The following CDH7 variants were observed in gnomAD, a reference collection of about 807,000 sequenced individuals.
CDH7 encodes the protein cadherin-7.
In CDH7, 25 loss-of-function variants were observed where a neutral mutation model predicts 71.8. That is an observed-to-expected ratio of 0.35 (90% CI 0.25 to 0.49). The LOEUF is 0.49. Ranked by LOEUF, CDH7 falls within the 20% of genes least tolerant of loss-of-function variation. CDH7 has a pLI of 0.99. For missense variants in CDH7, 862 were observed against 974.6 expected (o/e 0.88, Z 1.54); for synonymous variants, 381 against 363.8 (o/e 1.05, Z -0.54).
chr18:65,782,106 CCTT>C (rs1910308843), intron 2 of CDH7, among the ~76,000 whole-genome samples: 1 of 59,418 alleles, frequency 1.7e-5, no homozygotes, highest in Non-Finnish European at 2.7e-5. Flanking sequence ...TTCCTTCCTT[CCTT>C]CTTTCTTTCT....
At chr18:65,782,375 C>G (rs1910343801) in intron 2 of CDH7, among the ~76,000 whole-genome samples, 2 of 151,912 alleles carry the variant, frequency 1.3e-5, no homozygotes, top group African/African-American at 4.8e-5. Context: ...CCAAGCTGGT[C>G]TTGAACTCCT....
chr18:65,802,229 A>T (rs1388988795), intron 2 of CDH7, among the ~76,000 whole-genome samples: 7 of 152,182 alleles, frequency 4.6e-5, no homozygotes, highest in Non-Finnish European at 1.0e-4. Flanking sequence ...TTGTGCACAC[A>T]TTTGTTTTTT....
At chr18:65,774,296 C>T (rs1382275398) in intron 2 of CDH7, among the ~76,000 whole-genome samples, 1 of 151,716 alleles carries the variant, frequency 6.6e-6, no homozygotes, top group Non-Finnish European at 1.5e-5. Context: ...CTAGTGAATA[C>T]CTTGAAGGAA....
intron 2 of CDH7, among the ~76,000 whole-genome samples, chr18:65,786,354 T>C (rs961554567): frequency 1.3e-5 from 2 of 152,102 alleles, no homozygotes; most frequent in Admixed American, 1.3e-4. Context: ...TCAAATAACA[T>C]AAAAATTTAT....
At chr18:65,858,776 T>C in intron 8 of CDH7, 149 bp from the exon 9 acceptor site, 1 of 620,528 alleles carries the variant, frequency 1.6e-6, no homozygotes, top group Non-Finnish European at 2.8e-6. Flanking sequence ...GTGTGTGTAT[T>C]TGGATCATAT....
At chr18:65,869,702 C>A (rs1913873074) in intron 11 of CDH7, among the ~76,000 whole-genome samples, 1 of 151,814 alleles carries the variant, frequency 6.6e-6, no homozygotes, top group Non-Finnish European at 1.5e-5. Flanking sequence ...GGTTTATCTC[C>A]TTGTCCATCT....
chr18:65,760,303 CT>C (rs1916153759), intron 1 of CDH7, among the ~76,000 whole-genome samples: 1 of 152,140 alleles, frequency 6.6e-6, no homozygotes, highest in South Asian at 2.1e-4. Flanking sequence ...TAGAATTTAA[CT>C]TATTCAAGAT....
chr18:65,766,197 T>G (rs1916360346), intron 2 of CDH7, among the ~76,000 whole-genome samples: 1 of 152,114 alleles, frequency 6.6e-6, no homozygotes, highest in South Asian at 2.1e-4. Flanking sequence ...AGAGATATAA[T>G]TAGTGGGTAA....
At chr18:65,877,450 T>G (rs1433436846) in intron 11 of CDH7, among the ~76,000 whole-genome samples, 1 of 152,114 alleles carries the variant, frequency 6.6e-6, no homozygotes, top group Non-Finnish European at 1.5e-5. Flanking sequence ...AAAGAATTTA[T>G]AATTTTGAAA....
intron 2 of CDH7, among the ~76,000 whole-genome samples, chr18:65,806,871 G>A (rs896840586): frequency 1.3e-5 from 2 of 152,178 alleles, no homozygotes; most frequent in Admixed American, 6.6e-5. Flanking sequence ...CAGATTAAAT[G>A]TCTGAATGCC....
At chr18:65,874,144 A>G (rs2144060294) in intron 11 of CDH7, among the ~76,000 whole-genome samples, 1 of 152,318 alleles carries the variant, frequency 6.6e-6, no homozygotes, top group East Asian at 1.9e-4. Flanking sequence ...ACTCATTAAA[A>G]ATATTATTGA....
Position 65,882,896 on chromosome 18 carries a change from AAC to A in CDH7, c.*2004_*2005del. 1 of 152,250 alleles carries A rather than the reference AAC, an allele frequency of 6.6e-6. No individual in the cohort carries two copies. Among genetic ancestry groups the A allele is most frequent in the East Asian group, 1.9e-4 (1 of 5,184 alleles). The allele number at this position is 152,250 out of a possible 1,614,324, so 9.4% of individuals were successfully genotyped here. On this transcript the variant is annotated 3_prime_UTR_variant, in exon 12 of 12. Transcript: ENST00000397968. ...TGTTAAGTCAGCAAGGTGCTGAGAA[AAC>A]AGTTTGTAATAATCCCCTTGTTGTC...
chr18:65,754,704 A>G (rs911933268), intron 1 of CDH7, among the ~76,000 whole-genome samples: 1 of 152,198 alleles, frequency 6.6e-6, no homozygotes, highest in Non-Finnish European at 1.5e-5. Context: ...AAAGGGTACA[A>G]TAGGAATGAT....
intron 1 of CDH7, among the ~76,000 whole-genome samples, chr18:65,755,003 G>T (rs1915993026): frequency 6.6e-6 from 1 of 152,092 alleles, no homozygotes; most frequent in Non-Finnish European, 1.5e-5. Flanking sequence ...TTCTTAGTCT[G>T]CATTTTCTGC....
chr18:65,824,823 A>T lies in CDH7; in HGVS notation c.973A>T (p.Ile325Leu). The T allele has an allele frequency of 6.3e-7, 1 of 1,591,726 alleles. No homozygotes were observed. Among genetic ancestry groups the T allele is most frequent in the Non-Finnish European group, 8.6e-7 (1 of 1,165,862 alleles). Reference sequence around the variant, plus strand: ...AGAAACCCAGGAAGGAATCATTACTATACAGAAGGTAATGTTTTCTTTATT... The same window carrying T: ...AGAAACCCAGGAAGGAATCATTACTTTACAGAAGGTAATGTTTTCTTTATT... ...DKETQEGIITIQKELDFEAKT... is the reference protein window; with the variant it reads ...DKETQEGIITLQKELDFEAKT... The change falls in exon 6 of 12, where the codon ATA becomes TTA. Residue 325 changes from isoleucine to leucine, a missense_variant. By Grantham distance (5) the Ile-to-Leu change is conservative. Transcript: ENST00000397968.
chr18:65,800,444 A>G (rs1160414812), intron 2 of CDH7, among the ~76,000 whole-genome samples: 2 of 152,086 alleles, frequency 1.3e-5, no homozygotes. Context: ...CACCAATATT[A>G]TTGATAAAAA....
chr18:65,799,846 C>CCTCT (rs150389613), intron 2 of CDH7, among the ~76,000 whole-genome samples: 16 of 151,840 alleles, frequency 1.1e-4, no homozygotes, highest in African/African-American at 3.9e-4. Flanking sequence ...AATTGTTTGC[C>CCTCT]CTCTCTCTCT....
At chr18:65,800,752 G>T (rs187771671) in intron 2 of CDH7, among the ~76,000 whole-genome samples, 139 of 152,118 alleles carry the variant, frequency 9.1e-4, no homozygotes, top group African/African-American at 3.2e-3. Flanking sequence ...TATGTGATAA[G>T]ACCTCTTTTT....
At chr18:65,773,483 C>G (rs1238284128) in intron 2 of CDH7, among the ~76,000 whole-genome samples, 1 of 152,038 alleles carries the variant, frequency 6.6e-6, no homozygotes, top group African/African-American at 2.4e-5. Context: ...AGGTCCATCT[C>G]TTAGTGGAAG....
Sources: allele counts gnomAD v4.1 joint callset (sites outside exome capture counted in the v4.1 genomes callset), GRCh38; gene constraint gnomAD v4.1.1; transcripts MANE v1.5; gene names NCBI Gene and HGNC (gene_info 2026-07-23, HGNC 2026-07-21).